PCNX1: variants seen among roughly 807,000 people sequenced by gnomAD.
The protein encoded by PCNX1 is pecanex-like protein 1.
A neutral mutation model predicts 242.2 loss-of-function variants in PCNX1; 78 were observed. That is an observed-to-expected ratio of 0.32 (90% CI 0.27 to 0.39). The LOEUF (loss-of-function observed/expected upper bound fraction) is 0.39. Among genes scored for constraint, PCNX1 ranks in the 10% least tolerant of loss-of-function variants. The probability of loss-of-function intolerance (pLI) is 1.00; values close to 1 mark genes in which losing one functional copy is unlikely to be tolerated. For missense variants in PCNX1, 2,581 were observed against 2,856.5 expected, an observed-to-expected ratio of 0.90 and a Z score of 2.20; for synonymous variants, 1,024 against 1,032.9, an observed-to-expected ratio of 0.99 and a Z score of 0.17.
At chr14:70,919,948 C>A (rs1481061029) in intron 1 of PCNX1, among the ~76,000 whole-genome samples, 1 of 151,884 alleles carries the variant, frequency 6.6e-6, no homozygotes, top group East Asian at 1.9e-4. Flanking sequence ...TTTGAACGAG[C>A]CAAATAGAAC....
At position 71,008,729 on chromosome 14, in the gene PCNX1, A is replaced by G. The variant is rs183338886; in HGVS notation, c.2630-905A>G. Among the ~76,000 whole-genome samples the G allele has an allele frequency of 1.1e-3, 172 of 151,748 alleles. 1 individual carries two copies. Among genetic ancestry groups the G allele is most frequent in the Non-Finnish European group, 1.7e-3 (114 of 67,918 alleles). ...TTTAATTCCAGCTAATAAAAACCTC[A>G]TAAATGCTCAAAAAGCAACCTGGAC... On this transcript the variant is annotated intron_variant, in intron 8 of 35. Transcript: ENST00000304743.
chr14:70,982,956 T>C (rs2058883509), intron 6 of PCNX1, among the ~76,000 whole-genome samples: 1 of 152,238 alleles, frequency 6.6e-6, no homozygotes, highest in Non-Finnish European at 1.5e-5. Context: ...CCAATGAGCT[T>C]AAACCTAATG....
chr14:70,924,213 C>A (rs1331950059), intron 1 of PCNX1, among the ~76,000 whole-genome samples: 2 of 122,268 alleles, frequency 1.6e-5, no homozygotes, highest in South Asian at 5.2e-4. Flanking sequence ...GCCTGGGTGA[C>A]ACAGAGTGAG....
intron 7 of PCNX1, among the ~76,000 whole-genome samples, chr14:70,992,260 G>T (rs1440765987): frequency 6.6e-6 from 1 of 151,974 alleles, no homozygotes; most frequent in African/African-American, 2.4e-5. Flanking sequence ...AATCATCAGT[G>T]CATTTCAGGG....
chr14:70,998,400 C>A (rs1485723326), intron 8 of PCNX1, among the ~76,000 whole-genome samples: 1 of 151,708 alleles, frequency 6.6e-6, no homozygotes, highest in Admixed American at 6.6e-5. Flanking sequence ...ATTCAGCAAG[C>A]AAAATTGTTA....
rs372763692 is a variant in PCNX1, at chr14:71,052,010, T to C, written c.4575T>C (p.Tyr1525=). The change falls in exon 24 of 36, where the codon TAT becomes TAC. Residue 1525 remains tyrosine, a splice_region_variant and synonymous_variant. Coordinates refer to ENST00000304743, the MANE Select transcript of PCNX1 (RefSeq NM_014982.3). ...CTGTGAAATTCTGGGAGAGAGACTA[T>C]AAGTGAGTAAAGTAAAACACTTGAA... is the stretch of plus-strand genomic sequence containing the variant. The part of the protein sequence containing the change: ...VRPVKFWERD[Y]NTKRVDHSNT... The C allele has an allele frequency of 4.4e-6, 7 of 1,608,712 alleles. No homozygotes were observed. In the African/African-American group the frequency reaches 5.3e-5, roughly 12 times the overall value.
At chr14:71,025,425 GC>G (rs760366452) in intron 13 of PCNX1, among the ~76,000 whole-genome samples, 4 of 151,240 alleles carry the variant, frequency 2.6e-5, no homozygotes, top group East Asian at 1.9e-4. Context: ...TCTCTATGGA[GC>G]CCCCCCACCT....
chr14:70,954,892 A>T (rs926326672), intron 2 of PCNX1, among the ~76,000 whole-genome samples: 1 of 152,190 alleles, frequency 6.6e-6, no homozygotes, highest in Non-Finnish European at 1.5e-5. Context: ...TGTTTTTGAC[A>T]TCTCCTTTCC....
chr14:71,001,347 A>C (rs193141141), intron 8 of PCNX1, among the ~76,000 whole-genome samples: 2 of 152,318 alleles, frequency 1.3e-5, no homozygotes, highest in East Asian at 3.9e-4. Flanking sequence ...TATACTGTTA[A>C]TGGCTTTATG....
In PCNX1 at chr14:70,919,341, C is replaced by G. The variant is rs528533255; in HGVS notation, c.153+11338C>G. 4.6e-5 allele frequency among the ~76,000 whole-genome samples: 7 copies of G among 152,128 alleles called. 1 individual carries two copies. The highest frequency in any genetic ancestry group is 9.6e-5 in the African/African-American group (4 of 41,514). On this transcript the variant is annotated intron_variant, in intron 1 of 35. Coordinates refer to ENST00000304743, the MANE Select transcript of PCNX1 (RefSeq NM_014982.3). ...TAACATATTGCATAAGAAATTTGATCTGATTTTTCCTATTCTTTGTAATTA... is the reference window on the plus strand; with the variant it reads ...TAACATATTGCATAAGAAATTTGATGTGATTTTTCCTATTCTTTGTAATTA...
intron 1 of PCNX1, among the ~76,000 whole-genome samples, chr14:70,925,568 CT>C (rs71305848): frequency 0.015 from 1,626 of 106,900 alleles, 20 homozygotes; most frequent in African/African-American, 0.046. Flanking sequence ...CTTACCTCAT[CT>C]TTTTTTTTTT....
chr14:71,037,549 T>C (rs1345348178), intron 19 of PCNX1, among the ~76,000 whole-genome samples: 16 of 151,116 alleles, frequency 1.1e-4, no homozygotes, highest in African/African-American at 3.4e-4. Flanking sequence ...GAGATAATCA[T>C]GTGGTTTTTG....
intron 7 of PCNX1, among the ~76,000 whole-genome samples, chr14:70,993,374 C>T (rs571455999): frequency 2.0e-5 from 3 of 152,096 alleles, no homozygotes; most frequent in African/African-American, 7.2e-5. Context: ...GTGATCCACC[C>T]GCCTTGGCCT....
At chr14:71,080,987 A>G (rs1358563622) in intron 28 of PCNX1, among the ~76,000 whole-genome samples, 2 of 152,152 alleles carry the variant, frequency 1.3e-5, no homozygotes, top group South Asian at 2.1e-4. Context: ...CTCATTCAGT[A>G]TGATATTAGC....
chr14:71,035,069 A>G lies in PCNX1; in HGVS notation c.3775-996A>G, dbSNP rs149441243. 3.7e-3 allele frequency among the ~76,000 whole-genome samples: 564 copies of G among 152,278 alleles called. 3 individuals are homozygous for G. The highest frequency in any genetic ancestry group is 9.2e-3 in the African/African-American group (382 of 41,568). On this transcript the variant is annotated intron_variant, in intron 18 of 35. Transcript: ENST00000304743. ...TACCCCTATAAATGACACCGTGGTC[A>G]GGAGTGGTGGTGTGTGCCTGTAATT...
At chr14:70,990,145 G>A (rs1451880049) in intron 7 of PCNX1, among the ~76,000 whole-genome samples, 3 of 152,082 alleles carry the variant, frequency 2.0e-5, no homozygotes, top group Non-Finnish European at 2.9e-5. Flanking sequence ...AGATTTTACA[G>A]TCAAGAACTT....
intron 20 of PCNX1, among the ~76,000 whole-genome samples, chr14:71,046,638 T>A (rs1291198584): frequency 2.0e-5 from 3 of 152,094 alleles, no homozygotes; most frequent in African/African-American, 7.2e-5. Flanking sequence ...CATATTTTTA[T>A]TTATTTTGGG....
intron 30 of PCNX1, among the ~76,000 whole-genome samples, chr14:71,098,510 G>A (rs199987783): frequency 1.5e-5 from 1 of 65,270 alleles, no homozygotes; most frequent in African/African-American, 7.3e-5. Context: ...AGATGTATTC[G>A]TGTGTGTGTG....
At position 71,082,120 on chromosome 14, in the gene PCNX1, A is replaced by G. The variant is rs149213288; in HGVS notation, c.5337+5701A>G. On this transcript the variant is annotated intron_variant, in intron 28 of 35. Coordinates refer to ENST00000304743, the MANE Select transcript of PCNX1 (RefSeq NM_014982.3). ...CTGCCTTGATTTCATTATTTACCCA[A>G]TAGTCATTCAGGGGCAGGTTTTTCA... Among the ~76,000 whole-genome samples, 990 of 152,150 alleles carry G rather than the reference A, an allele frequency of 6.5e-3. 6 individuals are homozygous for G. Among genetic ancestry groups the G allele is most frequent in the Middle Eastern group, 0.017 (5 of 294 alleles).
Sources: gnomAD v4.1 joint callset for allele counts (sites outside exome capture counted in the v4.1 genomes callset) on GRCh38, gnomAD v4.1.1 for gene constraint, MANE v1.5 for transcripts, NCBI Gene and HGNC (gene_info 2026-07-23, HGNC 2026-07-21) for gene names.